Variants in BLTP1 observed in about 807,000 individuals in gnomAD.
BLTP1 encodes the protein fragile site-associated protein.
chr4:122,310,688 C>G, the BLTP1 span, among the ~76,000 whole-genome samples: 3 of 152,160 alleles, frequency 2.0e-5, no homozygotes, highest in African/African-American at 7.2e-5. Context: ...ATATGACCTA[C>G]TTCAGAAGAA....
the BLTP1 span, chr4:122,232,019 A>G: frequency 1.0e-6 from 1 of 971,548 alleles, no homozygotes; most frequent in Non-Finnish European, 1.2e-6. Context: ...GTGTGAACCA[A>G]ATGCCTGTCT....
At chr4:122,298,867 T>C in the BLTP1 span, 2 of 985,166 alleles carry the variant, frequency 2.0e-6, no homozygotes, top group African/African-American at 3.5e-5. Context: ...AAAGACACAT[T>C]TATTTGCTGA....
chr4:122,179,894 C>G, the BLTP1 span: 1 of 985,264 alleles, frequency 1.0e-6, no homozygotes, highest in East Asian at 1.1e-4. Context: ...CCCCCACATA[C>G]AGACAGGGGT....
chr4:122,248,896 T>C, the BLTP1 span: 19 of 174,050 alleles, frequency 1.1e-4, 1 homozygote, highest in South Asian at 2.9e-3. Context: ...GTGTTTTTAA[T>C]ATTCTTTTTG....
chr4:122,248,877 A>G, the BLTP1 span: 7 of 164,654 alleles, frequency 4.3e-5, no homozygotes, highest in African/African-American at 1.7e-4. Context: ...TTGAATGGTA[A>G]ATTTACATGT....
the BLTP1 span, chr4:122,353,894 G>A: frequency 6.2e-7 from 1 of 1,613,904 alleles, no homozygotes; most frequent in Non-Finnish European, 8.5e-7. This position sits in a 1 kb window ranked among gnomAD's most constrained non-coding sequence, Gnocchi z 4.3. Flanking sequence ...CAAACCATGT[G>A]GTGCTTTGGA....
chr4:122,229,798 T>G, the BLTP1 span: 2 of 1,357,232 alleles, frequency 1.5e-6, no homozygotes, highest in Admixed American at 3.2e-5. Flanking sequence ...CTTTTTTATT[T>G]CTTTTTCCTT....
At chr4:122,156,396 G>A in the BLTP1 span, among the ~76,000 whole-genome samples, 1 of 152,212 alleles carries the variant, frequency 6.6e-6, no homozygotes, top group African/African-American at 2.4e-5. Context: ...AGGGAAGTAA[G>A]ATTGGGTAAG....
At chr4:122,271,817 G>A in the BLTP1 span, 48 of 860,558 alleles carry the variant, frequency 5.6e-5, no homozygotes, top group East Asian at 3.2e-4. Flanking sequence ...TCTTAATGTC[G>A]TAAGTGGATA....
chr4:122,267,870 A>G, the BLTP1 span, among the ~76,000 whole-genome samples: 25 of 152,162 alleles, frequency 1.6e-4, no homozygotes, highest in African/African-American at 6.0e-4. Flanking sequence ...GATAAATGGC[A>G]TTTATGACAA....
chr4:122,170,007 T>C, the BLTP1 span: 4 of 984,972 alleles, frequency 4.1e-6, no homozygotes, highest in East Asian at 4.5e-4. Flanking sequence ...TGAGATGTTT[T>C]TGATTAAAGA....
At chr4:122,308,026 C>T in the BLTP1 span, 1 of 1,613,500 alleles carries the variant, frequency 6.2e-7, no homozygotes, top group Non-Finnish European at 8.5e-7. Context: ...TAAGGATATT[C>T]ATATGGCTAC....
the BLTP1 span, among the ~76,000 whole-genome samples, chr4:122,199,611 T>C: frequency 1.6e-3 from 248 of 152,292 alleles, no homozygotes; most frequent in Non-Finnish European, 1.9e-3. Context: ...TATGGACTCC[T>C]GTTGGCATCT....
chr4:122,173,210 AC>A, the BLTP1 span: 1 of 1,567,238 alleles, frequency 6.4e-7, no homozygotes, highest in Non-Finnish European at 8.7e-7. Context: ...ATGTTGTCTT[AC>A]CATTTTTTGT....
the BLTP1 span, chr4:122,187,862 A>G: frequency 1.9e-6 from 3 of 1,547,916 alleles, no homozygotes; most frequent in Non-Finnish European, 2.6e-6. Context: ...GCATGATATA[A>G]TATCTCTTAT....
the BLTP1 span, chr4:122,255,347 A>C: frequency 2.8e-5 from 32 of 1,159,680 alleles, no homozygotes; most frequent in African/African-American, 4.8e-4. Context: ...CCACTGATAC[A>C]CAGGGTTTGA....
the BLTP1 span, chr4:122,305,357 G>GT: frequency 1.1e-6 from 1 of 939,060 alleles, no homozygotes; most frequent in Non-Finnish European, 1.3e-6. Flanking sequence ...ATATAGTAAT[G>GT]TTAAATAAAG....
At chr4:122,198,469 C>T in the BLTP1 span, 9 of 983,180 alleles carry the variant, frequency 9.2e-6, no homozygotes, top group Non-Finnish European at 1.1e-5. Context: ...GGAAGTGCTT[C>T]TGCCTTTTCA....
At chr4:122,320,623 A>G in the BLTP1 span, among the ~76,000 whole-genome samples, 1 of 151,966 alleles carries the variant, frequency 6.6e-6, no homozygotes, top group Non-Finnish European at 1.5e-5. Flanking sequence ...TTAATTAGTG[A>G]TAGGATGGTA....
Sources: gnomAD v4.1 joint callset for allele counts (sites outside exome capture counted in the v4.1 genomes callset) on GRCh38, gnomAD v4.1.1 for gene constraint, Gnocchi (gnomAD v3.1) non-coding constraint, MANE v1.5 for transcripts, NCBI Gene and HGNC (gene_info 2026-07-23, HGNC 2026-07-21) for gene names.